Variants in JAZF1 observed in about 807,000 individuals in gnomAD.
JAZF1 encodes juxtaposed with another zinc finger protein 1.
JAZF1 carries 8 observed loss-of-function variants against 26.4 expected under a neutral mutation model. The observed-to-expected ratio is 0.30, with a 90% CI of 0.18 to 0.55. JAZF1 has a LOEUF of 0.55. Among genes scored for constraint, JAZF1 ranks in the 20% least tolerant of loss-of-function variants. The pLI, the probability that JAZF1 is intolerant of heterozygous loss-of-function variation, is 0.94. For missense variants in JAZF1, 199 were observed against 322.0 expected (o/e 0.62, Z 2.92); for synonymous variants, 126 against 122.3 (o/e 1.03, Z -0.20).
chr7:28,009,020 C>A (rs1782750636), intron 1 of JAZF1, among the ~76,000 whole-genome samples: 1 of 152,170 alleles, frequency 6.6e-6, no homozygotes, highest in Admixed American at 6.5e-5. Context: ...AAGGTAATCA[C>A]AAGACATCAG....
intron 1 of JAZF1, among the ~76,000 whole-genome samples, chr7:28,032,893 C>T (rs1562564935): frequency 6.6e-6 from 1 of 152,106 alleles, no homozygotes; most frequent in Non-Finnish European, 1.5e-5. Flanking sequence ...CCCCTTATAC[C>T]TCTTGGTCCT....
chr7:28,060,776 C>G (rs1282095733), intron 1 of JAZF1, among the ~76,000 whole-genome samples: 1 of 152,090 alleles, frequency 6.6e-6, no homozygotes, highest in Non-Finnish European at 1.5e-5. Context: ...TTGGGTGGGC[C>G]TAGAGTTTTC....
chr7:27,852,129 A>G (rs1424331650), intron 3 of JAZF1, among the ~76,000 whole-genome samples: 1 of 119,390 alleles, frequency 8.4e-6, no homozygotes, highest in Non-Finnish European at 1.8e-5. Flanking sequence ...AATAAACAGG[A>G]CTTTTTTTTT....
rs73299484 is a variant in JAZF1, at chr7:27,943,142, C to A, written c.189-47726G>T. On this transcript the variant is annotated intron_variant, in intron 2 of 4. Transcript: ENST00000283928. ...TTCTGAGCATAACTGGAGGCAACAT[C>A]CTCAGATACAGTTCTGAATTTTCCC... Among the ~76,000 whole-genome samples the A allele has an allele frequency of 3.4e-3, 515 of 152,310 alleles. 3 individuals are homozygous for A. The highest frequency in any genetic ancestry group is 0.012 in the African/African-American group (500 of 41,556).
intron 1 of JAZF1, among the ~76,000 whole-genome samples, chr7:27,998,729 A>T (rs1278670641): frequency 6.6e-6 from 1 of 152,250 alleles, no homozygotes; most frequent in Non-Finnish European, 1.5e-5. Flanking sequence ...CTATTAAAAC[A>T]AGCATTCATA....
chr7:27,866,271 T>C (rs957816855), intron 3 of JAZF1, among the ~76,000 whole-genome samples: 1 of 152,228 alleles, frequency 6.6e-6, no homozygotes, highest in East Asian at 1.9e-4. Flanking sequence ...ATAGGCCAGA[T>C]TGCAATGTGC....
Position 28,129,171 on chromosome 7 carries a change from A to C in JAZF1, c.115+51292T>G, listed in dbSNP as rs553995442. On this transcript the variant is annotated intron_variant, in intron 1 of 4. Coordinates refer to ENST00000283928, the MANE Select transcript of JAZF1 (RefSeq NM_175061.4). ...AAGACCCTCTGTGAATACCCCCCAA[A>C]CTCCCTCTACCTCTCATATTTTAGA... Among the ~76,000 whole-genome samples, 37 of 151,256 alleles carry C rather than the reference A, an allele frequency of 2.4e-4. No homozygotes were observed. In the Middle Eastern group the frequency reaches 0.01, roughly 42 times the overall value.
chr7:28,148,291 C>G (rs1227764335), intron 1 of JAZF1, among the ~76,000 whole-genome samples: 1 of 152,050 alleles, frequency 6.6e-6, no homozygotes, highest in Admixed American at 6.5e-5. Flanking sequence ...GGCTGGTCTC[C>G]ATCTCCTGAC....
chr7:27,958,275 C>A (rs950133409), intron 2 of JAZF1, among the ~76,000 whole-genome samples: 1 of 152,074 alleles, frequency 6.6e-6, no homozygotes, highest in Non-Finnish European at 1.5e-5. Context: ...TCAAAATGTG[C>A]CTCATTAAGA....
At chr7:28,023,202 A>G (rs1783036275) in intron 1 of JAZF1, among the ~76,000 whole-genome samples, 1 of 152,218 alleles carries the variant, frequency 6.6e-6, no homozygotes. Flanking sequence ...AAACGAGTCC[A>G]GCCGTGAAGC....
intron 1 of JAZF1, among the ~76,000 whole-genome samples, chr7:28,003,754 A>C (rs557318710): frequency 2.0e-5 from 3 of 152,198 alleles, no homozygotes; most frequent in African/African-American, 7.2e-5. Context: ...CATCACATTT[A>C]CCTGAAACCT....
At chr7:28,048,232 TTTG>T (rs1385428060) in intron 1 of JAZF1, among the ~76,000 whole-genome samples, 2 of 152,176 alleles carry the variant, frequency 1.3e-5, no homozygotes, top group African/African-American at 4.8e-5. Context: ...TTTACAAACC[TTTG>T]GTTCTATCTC....
chr7:28,013,321 C>G (rs1369248714), intron 1 of JAZF1, among the ~76,000 whole-genome samples: 1 of 152,104 alleles, frequency 6.6e-6, no homozygotes, highest in Non-Finnish European at 1.5e-5. Flanking sequence ...TTGCTAAATA[C>G]TAATGGAATA....
At chr7:28,132,546 C>T (rs575595056) in intron 1 of JAZF1, among the ~76,000 whole-genome samples, 35 of 152,154 alleles carry the variant, frequency 2.3e-4, no homozygotes, top group African/African-American at 7.7e-4. Flanking sequence ...ATTATTGCGA[C>T]GGCAATTGGA....
At chr7:28,166,034 G>A (rs1783362252) in intron 1 of JAZF1, among the ~76,000 whole-genome samples, 1 of 152,194 alleles carries the variant, frequency 6.6e-6, no homozygotes, top group Non-Finnish European at 1.5e-5. Flanking sequence ...AAATCAGCCT[G>A]TTTTGTTAGA....
At chr7:28,070,363 T>C (rs1165590390) in intron 1 of JAZF1, among the ~76,000 whole-genome samples, 3 of 152,216 alleles carry the variant, frequency 2.0e-5, no homozygotes, top group Non-Finnish European at 2.9e-5. Flanking sequence ...AAAACATACA[T>C]GTGGCCACAT....
intron 2 of JAZF1, among the ~76,000 whole-genome samples, chr7:27,919,919 T>C (rs770828204): frequency 3.1e-4 from 47 of 152,338 alleles, no homozygotes; most frequent in Non-Finnish European, 5.4e-4. Context: ...TTGTGGAGTT[T>C]ACTCTGTGTG....
intron 2 of JAZF1, among the ~76,000 whole-genome samples, chr7:27,938,171 G>T (rs1218097538): frequency 1.3e-5 from 2 of 152,076 alleles, no homozygotes; most frequent in African/African-American, 2.4e-5. Flanking sequence ...TGTTTGAAAG[G>T]TTCTTCCAAG....
At chr7:27,913,321 A>G (rs533657194) in intron 2 of JAZF1, 6 of 422,174 alleles carry the variant, frequency 1.4e-5, no homozygotes, top group Non-Finnish European at 2.9e-5. Context: ...CCAGATTGAG[A>G]TTTTCTAACC....
Sources: allele counts gnomAD v4.1 joint callset (sites outside exome capture counted in the v4.1 genomes callset), GRCh38; gene constraint gnomAD v4.1.1; transcripts MANE v1.5; gene names NCBI Gene and HGNC (gene_info 2026-07-23, HGNC 2026-07-21).